The following ZFHX3 variants were observed in gnomAD, a reference collection of about 807,000 sequenced individuals.
ZFHX3 encodes the protein zinc finger homeobox protein 3.
Under a neutral mutation model 279.1 loss-of-function variants are expected in ZFHX3, and 42 were observed. That is an observed-to-expected ratio of 0.15 (90% confidence interval 0.12 to 0.19). The LOEUF (loss-of-function observed/expected upper bound fraction) is 0.19, where lower values mean the gene tolerates loss of function less well. Among genes scored for constraint, ZFHX3 ranks in the 10% least tolerant of loss-of-function variants. The pLI is 1.00. For synonymous variants in ZFHX3, 2,293 were observed against 1,957.8 expected (o/e 1.17, Z -4.52); for missense variants, 4,981 against 4,754.0 (o/e 1.05, Z -1.40).
intron 2 of ZFHX3, among the ~76,000 whole-genome samples, chr16:73,514,882 A>G (rs755516714): frequency 6.6e-6 from 1 of 152,084 alleles, no homozygotes; most frequent in Non-Finnish European, 1.5e-5. Flanking sequence ...CAGGATCCCT[A>G]TCCCAGCCTC....
In ZFHX3 at chr16:73,442,852, G is replaced by A. The variant is rs1253675336; in HGVS notation, c.-1291+13151C>T. Among the ~76,000 whole-genome samples, 6 of 152,178 alleles carry A rather than the reference G, an allele frequency of 3.9e-5. No individual in the cohort carries two copies. In the East Asian group the frequency reaches 1.2e-3, roughly 29 times the overall value. ...TCTTGGGCTCAAAGAATTTGAGGCT[G>A]CAGTGAGTTCCACCTCAGCCTCCCG... On this transcript the variant is annotated intron_variant, in intron 3 of 17. Coordinates refer to the ZFHX3 transcript ENST00000641206.
chr16:73,545,804 A>AG (rs2020098750), intron 2 of ZFHX3, among the ~76,000 whole-genome samples: 1 of 152,148 alleles, frequency 6.6e-6, no homozygotes, highest in Non-Finnish European at 1.5e-5. Context: ...AAAAAAAAAA[A>AG]AAAAAGTTTT....
chr16:73,469,811 T>C (rs916240790), intron 2 of ZFHX3, among the ~76,000 whole-genome samples: 6 of 152,100 alleles, frequency 3.9e-5, no homozygotes, highest in Non-Finnish European at 1.5e-5. Flanking sequence ...AGAGATGGGG[T>C]TTCACCATCT....
intron 1 of ZFHX3, among the ~76,000 whole-genome samples, chr16:73,023,785 C>T (rs551385350): frequency 7.2e-5 from 11 of 152,172 alleles, no homozygotes; most frequent in Non-Finnish European, 1.3e-4. Context: ...CCTAGAGTAA[C>T]GAAGAGAAAG....
chr16:73,653,071 G>A (rs1367663269), intron 2 of ZFHX3, among the ~76,000 whole-genome samples: 1 of 152,088 alleles, frequency 6.6e-6, no homozygotes, highest in African/African-American at 2.4e-5. Flanking sequence ...AAGAAAAGTG[G>A]TGTAGCTATA....
At chr16:73,744,494 A>C (rs1175294540) in intron 1 of ZFHX3, among the ~76,000 whole-genome samples, 2 of 152,204 alleles carry the variant, frequency 1.3e-5, no homozygotes, top group Non-Finnish European at 2.9e-5. Context: ...TCTCTCCTTC[A>C]GGCCAGATCA....
chr16:73,257,455 G>T (rs1030181757), intron 4 of ZFHX3, among the ~76,000 whole-genome samples: 3 of 152,174 alleles, frequency 2.0e-5, no homozygotes, highest in Non-Finnish European at 4.4e-5. Context: ...ATGAAGCTCT[G>T]AGAACTTCTG....
At chr16:73,071,023 C>T (rs1256970798) in intron 8 of ZFHX3, among the ~76,000 whole-genome samples, 1 of 137,656 alleles carries the variant, frequency 7.3e-6, no homozygotes, top group East Asian at 2.3e-4. Flanking sequence ...CCAACCCTCC[C>T]CCCCGCCCCC....
At chr16:73,556,964 G>A (rs548864484) in intron 2 of ZFHX3, among the ~76,000 whole-genome samples, 1 of 151,760 alleles carries the variant, frequency 6.6e-6, no homozygotes, top group South Asian at 2.1e-4. Context: ...GCATGGTGGT[G>A]GGCGCCTGTA....
intron 1 of ZFHX3, among the ~76,000 whole-genome samples, chr16:73,744,261 A>T (rs1327077695): frequency 6.6e-6 from 1 of 152,240 alleles, no homozygotes; most frequent in African/African-American, 2.4e-5. Flanking sequence ...GCCTTTGGAT[A>T]TGTCTCTGGT....
intron 1 of ZFHX3, among the ~76,000 whole-genome samples, chr16:73,770,261 T>G (rs2054002823): frequency 6.6e-6 from 1 of 152,238 alleles, no homozygotes; most frequent in Admixed American, 6.5e-5. Context: ...CAGCCATTGC[T>G]GGCTTTGAAA....
At chr16:73,860,236 T>G (rs1469243792) in intron 1 of ZFHX3, among the ~76,000 whole-genome samples, 1 of 152,204 alleles carries the variant, frequency 6.6e-6, no homozygotes, top group African/African-American at 2.4e-5. Flanking sequence ...AAATGTAATG[T>G]TCCCCCAAGT....
intron 7 of ZFHX3, among the ~76,000 whole-genome samples, chr16:72,804,739 T>C (rs1418862186): frequency 6.6e-6 from 1 of 152,180 alleles, no homozygotes; most frequent in African/African-American, 2.4e-5. Flanking sequence ...TATAATTTCT[T>C]GGTAGAATCT....
chr16:73,820,553 T>C (rs1271988837), intron 1 of ZFHX3, among the ~76,000 whole-genome samples: 1 of 151,972 alleles, frequency 6.6e-6, no homozygotes, highest in Non-Finnish European at 1.5e-5. Context: ...GCCCTATGAG[T>C]GAGTTATCCC....
At chr16:73,090,996 G>A (rs1402271723) in intron 8 of ZFHX3, among the ~76,000 whole-genome samples, 1 of 150,682 alleles carries the variant, frequency 6.6e-6, no homozygotes. Flanking sequence ...CGGATCACAA[G>A]GTCAGGAGAT....
Position 73,572,880 on chromosome 16 carries a change from C to G in ZFHX3, c.-1547+107300G>C, listed in dbSNP as rs577089724. ...TACTGAGCTGCCTTCAATGCGGCCA[C>G]TCCAGTATAAATTGGATCAAATGCT... On this transcript the variant is annotated intron_variant, in intron 2 of 17. Coordinates refer to the ZFHX3 transcript ENST00000641206. Among the ~76,000 whole-genome samples, 4 of 152,354 alleles carry G rather than the reference C, an allele frequency of 2.6e-5. No individual in the cohort carries two copies. The East Asian group carries it at 7.7e-4, about 29-fold the overall frequency.
intron 2 of ZFHX3, among the ~76,000 whole-genome samples, chr16:73,523,557 T>C (rs1333194151): frequency 6.6e-6 from 1 of 151,662 alleles, no homozygotes; most frequent in East Asian, 1.9e-4. Flanking sequence ...TCACCCTGGA[T>C]CCTTGGCATA....
intron 5 of ZFHX3, among the ~76,000 whole-genome samples, chr16:73,164,560 C>A (rs777257510): frequency 1.3e-5 from 2 of 152,022 alleles, no homozygotes; most frequent in Non-Finnish European, 2.9e-5. Context: ...ACTAGCCAGG[C>A]GCAGTGGCAT....
At chr16:73,079,267 GTAATCCCAGCA>G in intron 8 of ZFHX3, among the ~76,000 whole-genome samples, 1 of 151,870 alleles carries the variant, frequency 6.6e-6, no homozygotes, top group Non-Finnish European at 1.5e-5. Context: ...GCTCACACGT[GTAATCCCAGCA>G]CCTTGGGAGG....
Sources: gnomAD v4.1 joint callset for allele counts (sites outside exome capture counted in the v4.1 genomes callset) on GRCh38, gnomAD v4.1.1 for gene constraint, MANE v1.5 for transcripts, NCBI Gene and HGNC (gene_info 2026-07-23, HGNC 2026-07-21) for gene names.